Variants in JADE1 observed in about 807,000 individuals in gnomAD.
JADE1 encodes the protein jade family PHD finger 1, also known as protein Jade-1.
A neutral mutation model predicts 81.8 loss-of-function variants in JADE1; 14 were observed. The observed-to-expected ratio is 0.17, with a 90% CI of 0.11 to 0.27. The LOEUF is 0.27. JADE1 is among the 10% of genes least tolerant of loss of function. The probability of loss-of-function intolerance (pLI) is 1.00; values close to 1 mark genes in which losing one functional copy is unlikely to be tolerated. For missense variants in JADE1, 690 were observed against 1,047.9 expected, an observed-to-expected ratio of 0.66 and a Z score of 4.71; for synonymous variants, 353 against 391.9, an observed-to-expected ratio of 0.90 and a Z score of 1.17.
At chr4:128,840,245 A>G (rs1286224818) in intron 2 of JADE1, among the ~76,000 whole-genome samples, 1 of 152,206 alleles carries the variant, frequency 6.6e-6, no homozygotes, top group East Asian at 1.9e-4. Flanking sequence ...CTTGGGAGGG[A>G]TCCTGACAGA....
At chr4:128,827,099 C>T (rs72683607) in intron 1 of JADE1, among the ~76,000 whole-genome samples, 3,235 of 152,214 alleles carry the variant, frequency 0.021, 67 homozygotes, top group Non-Finnish European at 0.032. Flanking sequence ...CCGGCCCCAC[C>T]CTCCTCCTTG....
intron 2 of JADE1, among the ~76,000 whole-genome samples, chr4:128,835,999 G>T (rs376737901): frequency 6.6e-6 from 1 of 152,176 alleles, no homozygotes; most frequent in East Asian, 1.9e-4. Context: ...GGTGTTTGCA[G>T]GCAGCGTCTG....
At position 128,869,117 on chromosome 4, in the gene JADE1, G is replaced by A. The variant is rs575418521; in HGVS notation, c.1621+1144G>A. Among the ~76,000 whole-genome samples the A allele has an allele frequency of 2.0e-5, 3 of 152,278 alleles. No individual in the cohort carries two copies. In the South Asian group the frequency reaches 6.2e-4, roughly 32 times the overall value. ...ATCTGAAGAAATAAAAAAAGGTTTA[G>A]GGAGGTTTAAATAATGTTCTTGAAG... On this transcript the variant is annotated intron_variant, in intron 10 of 10. Transcript: ENST00000226319.
intron 2 of JADE1, among the ~76,000 whole-genome samples, chr4:128,838,538 C>A (rs529383977): frequency 6.6e-6 from 1 of 152,098 alleles, no homozygotes; most frequent in South Asian, 2.1e-4. Flanking sequence ...AAATGCAAAC[C>A]AACCCAGTGT....
At chr4:128,852,365 G>A in intron 6 of JADE1, 97 bp downstream of exon 6, 1 of 938,670 alleles carries the variant, frequency 1.1e-6, no homozygotes, top group Non-Finnish European at 1.7e-6. Context: ...TCCTCCGAAT[G>A]GGGTCTGTGT....
intron 2 of JADE1, among the ~76,000 whole-genome samples, chr4:128,834,725 A>G (rs1461796473): frequency 6.6e-6 from 1 of 151,820 alleles, no homozygotes; most frequent in African/African-American, 2.4e-5. Flanking sequence ...TAGTAGAGAC[A>G]GGGTTTCATC....
chr4:128,867,728 C>T, intron 9 of JADE1, 128 bp from the exon 10 acceptor site: 1 of 537,038 alleles, frequency 1.9e-6, no homozygotes, highest in Non-Finnish European at 3.4e-6. Flanking sequence ...GTTTAAAGTA[C>T]CTATTGATTT....
chr4:128,831,798 G>T lies in JADE1; in HGVS notation c.40G>T (p.Asp14Tyr), dbSNP rs1728579688. Reference sequence around the variant, plus strand: ...CCTTCCCAGCAGCAGTGAGGATTCTGACGACAATGGCAGTAAGTCCTGCTT... The same window carrying T: ...CCTTCCCAGCAGCAGTGAGGATTCTTACGACAATGGCAGTAAGTCCTGCTT... ...GRLPSSSEDSDDNGSLSTTWS... is the reference protein window; with the variant it reads ...GRLPSSSEDSYDNGSLSTTWS... Residue 14 changes from aspartate to tyrosine, a missense_variant, in exon 2 of 11, where the codon GAC becomes TAC. By Grantham distance (160) the Asp-to-Tyr change is radical. This residue lies in a region of JADE1 where 59 missense variants were observed against 52.8 expected (regional missense o/e 1.12). Transcript: ENST00000226319. 6.2e-7 allele frequency: 1 copy of T among 1,614,102 alleles called. No individual in the cohort carries two copies. Among genetic ancestry groups the T allele is most frequent in the East Asian group, 2.2e-5 (1 of 44,876 alleles).
chr4:128,813,860 A>G (rs1726736053), intron 1 of JADE1, among the ~76,000 whole-genome samples: 1 of 151,966 alleles, frequency 6.6e-6, no homozygotes, highest in African/African-American at 2.4e-5. Context: ...TAAGCTGTTT[A>G]AGTGTTAGGT....
chr4:128,826,860 C>T (rs1429268533), intron 1 of JADE1, among the ~76,000 whole-genome samples: 5 of 152,200 alleles, frequency 3.3e-5, no homozygotes, highest in African/African-American at 9.7e-5. Context: ...TAGTCACGCT[C>T]CTCCGGTCCT....
intron 2 of JADE1, among the ~76,000 whole-genome samples, chr4:128,833,608 C>T (rs1728730337): frequency 6.6e-6 from 1 of 152,130 alleles, no homozygotes; most frequent in Non-Finnish European, 1.5e-5. Flanking sequence ...GCAGGAGAAT[C>T]ACTTGAACCC....
intron 7 of JADE1, among the ~76,000 whole-genome samples, chr4:128,856,485 G>C (rs1730808773): frequency 6.6e-6 from 1 of 152,172 alleles, no homozygotes; most frequent in African/African-American, 2.4e-5. Context: ...TGTACATCCT[G>C]TGTGTGGCAA....
At chr4:128,857,304 G>A (rs140331727) in intron 7 of JADE1, 34 bp from the exon 8 acceptor site, 3 of 1,537,256 alleles carry the variant, frequency 2.0e-6, no homozygotes, top group Admixed American at 3.4e-5. Flanking sequence ...TTGACGACCT[G>A]AGCCACCCTG....
At chr4:128,839,291 C>T (rs967134387) in intron 2 of JADE1, among the ~76,000 whole-genome samples, 1 of 152,154 alleles carries the variant, frequency 6.6e-6, no homozygotes, top group African/African-American at 2.4e-5. Flanking sequence ...CAGAGCAGTT[C>T]CCTCGGGTTC....
chr4:128,842,274 A>T (rs1222094905), intron 2 of JADE1, among the ~76,000 whole-genome samples: 2 of 151,660 alleles, frequency 1.3e-5, no homozygotes, highest in Admixed American at 6.6e-5. Flanking sequence ...CTGAAAACTC[A>T]GTAAGATGTT....
chr4:128,859,302 G>C (rs1560771151), intron 8 of JADE1, among the ~76,000 whole-genome samples: 1 of 152,090 alleles, frequency 6.6e-6, no homozygotes, highest in South Asian at 2.1e-4. Flanking sequence ...ATGTGTGTAT[G>C]CATGTGTATT....
chr4:128,849,919 A>T (rs1730203239), intron 5 of JADE1, among the ~76,000 whole-genome samples: 1 of 152,128 alleles, frequency 6.6e-6, no homozygotes, highest in Non-Finnish European at 1.5e-5. Context: ...AACTGTGAGG[A>T]TTAATTAGCT....
intron 9 of JADE1, among the ~76,000 whole-genome samples, chr4:128,866,378 A>C (rs1341440594): frequency 6.6e-6 from 1 of 152,242 alleles, no homozygotes; most frequent in African/African-American, 2.4e-5. Flanking sequence ...GAGAAGCCTG[A>C]CTTGGCATTT....
intron 9 of JADE1, chr4:128,863,667 C>T: frequency 1.8e-5 from 18 of 985,358 alleles, no homozygotes; most frequent in Non-Finnish European, 2.2e-5. Context: ...TCCCATACGC[C>T]CCCTGGTGGT....
Sources: allele counts gnomAD v4.1 joint callset (sites outside exome capture counted in the v4.1 genomes callset), GRCh38; gene constraint gnomAD v4.1.1; regional missense constraint gnomAD v4.1.1; transcripts MANE v1.5; gene names NCBI Gene and HGNC (gene_info 2026-07-23, HGNC 2026-07-21).